Variants in RELN observed in about 807,000 individuals in gnomAD.
The protein encoded by RELN is reelin.
Under a neutral mutation model 427.6 loss-of-function variants are expected in RELN, and 108 were observed. The ratio of observed to expected loss-of-function variants is 0.25; its 90% confidence interval spans 0.22 to 0.30. The LOEUF (loss-of-function observed/expected upper bound fraction) is 0.30, where lower values mean the gene tolerates loss of function less well. RELN is among the 10% of genes least tolerant of loss of function. The probability of loss-of-function intolerance (pLI) is 1.00; values close to 1 mark genes in which losing one functional copy is unlikely to be tolerated. For synonymous variants in RELN, 1,524 were observed against 1,513.4 expected, an observed-to-expected ratio of 1.01 and a Z score of -0.16; for missense variants, 3,715 against 4,302.8, an observed-to-expected ratio of 0.86 and a Z score of 3.82.
intron 3 of RELN, among the ~76,000 whole-genome samples, chr7:103,813,488 A>G (rs1792793727): frequency 6.6e-6 from 1 of 152,098 alleles, no homozygotes; most frequent in African/African-American, 2.4e-5. Context: ...CAGAACTTTA[A>G]TGAGTCAATC....
chr7:103,732,621 G>A (rs77293602), intron 6 of RELN, among the ~76,000 whole-genome samples: 16,932 of 152,044 alleles, frequency 0.11, 1,441 homozygotes, highest in East Asian at 0.27. Flanking sequence ...TGTGAAAGAC[G>A]AGATGAATTT....
intron 40 of RELN, among the ~76,000 whole-genome samples, chr7:103,552,147 T>C (rs1467158948): frequency 6.6e-6 from 1 of 152,194 alleles, no homozygotes; most frequent in Non-Finnish European, 1.5e-5. Flanking sequence ...GTATTCTGTC[T>C]TTATGTAAAG....
intron 12 of RELN, among the ~76,000 whole-genome samples, chr7:103,659,291 C>A (rs564332228): frequency 7.9e-5 from 12 of 152,098 alleles, no homozygotes; most frequent in African/African-American, 2.7e-4. Flanking sequence ...GCTAGAATTA[C>A]TTTTCTAAAA....
At chr7:103,694,417 G>A (rs940127254) in intron 10 of RELN, among the ~76,000 whole-genome samples, 1 of 151,932 alleles carries the variant, frequency 6.6e-6, no homozygotes, top group Non-Finnish European at 1.5e-5. Flanking sequence ...TATGAAAAAT[G>A]GGACTAACAC....
intron 46 of RELN, among the ~76,000 whole-genome samples, chr7:103,532,039 C>G (rs1321893254): frequency 6.6e-6 from 1 of 152,134 alleles, no homozygotes; most frequent in Non-Finnish European, 1.5e-5. Context: ...TGGAATCAAC[C>G]TAATAGCCCA....
chr7:103,587,331 A>C (rs1033526958), intron 28 of RELN, among the ~76,000 whole-genome samples: 2 of 152,260 alleles, frequency 1.3e-5, no homozygotes, highest in African/African-American at 4.8e-5. Flanking sequence ...AGCCACATGC[A>C]GAAGAATGAA....
At chr7:103,520,066 T>A (rs570067583) in intron 48 of RELN, among the ~76,000 whole-genome samples, 9 of 152,254 alleles carry the variant, frequency 5.9e-5, no homozygotes, top group South Asian at 2.1e-4. Flanking sequence ...TCCTTTTTTT[T>A]AATATGAATG....
intron 1 of RELN, among the ~76,000 whole-genome samples, chr7:103,938,220 C>A (rs926961191): frequency 5.9e-5 from 9 of 151,964 alleles, no homozygotes; most frequent in African/African-American, 2.2e-4. Flanking sequence ...ACTCAAGAGG[C>A]TGAGGAGGAG....
intron 10 of RELN, among the ~76,000 whole-genome samples, chr7:103,687,019 G>T (rs992054745): frequency 6.6e-6 from 1 of 152,182 alleles, no homozygotes; most frequent in Non-Finnish European, 1.5e-5. Flanking sequence ...GAATTTTATG[G>T]AGCTTAAGGA....
At chr7:103,667,340 T>C (rs959357260) in intron 11 of RELN, among the ~76,000 whole-genome samples, 1 of 152,214 alleles carries the variant, frequency 6.6e-6, no homozygotes, top group Non-Finnish European at 1.5e-5. Context: ...AGCTTCTCTT[T>C]TAGAGTAGGT....
In RELN at chr7:103,920,566, G is replaced by GTTTTTTTTTT. The variant is rs1563092030; in HGVS notation, c.227-3382_227-3381insAAAAAAAAAA. ...ACACATGTTTGTTGTACCAGTCTTT[G>GTTTTTTTTTT]GTTTTTTTTTTTGTTTTTTTTTTTT... is the stretch of plus-strand genomic sequence containing the variant. On this transcript the variant is annotated intron_variant, in intron 1 of 64. Transcript: ENST00000428762. Among the ~76,000 whole-genome samples, 8 of 114,688 alleles carry GTTTTTTTTTT rather than the reference G, an allele frequency of 7.0e-5. 1 individual carries two copies. Among genetic ancestry groups the GTTTTTTTTTT allele is most frequent in the African/African-American group, 3.7e-4 (8 of 21,530 alleles). The allele number at this position is 114,688 out of a possible 152,430, so 75.2% of individuals were successfully genotyped here. A position where few individuals can be genotyped will look rare whatever the true frequency, so the allele number is the denominator to read the frequency against.
At position 103,989,390 on chromosome 7, in the gene RELN, A is replaced by G; in HGVS notation, c.-34T>C. On this transcript the variant is annotated 5_prime_UTR_variant, in exon 1 of 65. Transcript: ENST00000428762. The surrounding 1 kb of genome is among the most constrained non-coding windows in gnomAD (Gnocchi z 4.9). ...CGCCGCCGCCGCCGCCGCGCGCCCTACGCGCCGCTCGCTCATTCAGTTTTG... is the reference window on the plus strand; with the variant it reads ...CGCCGCCGCCGCCGCCGCGCGCCCTGCGCGCCGCTCGCTCATTCAGTTTTG... 2 of 980,674 alleles carry G rather than the reference A, an allele frequency of 2.0e-6. No homozygotes were observed. Among genetic ancestry groups the G allele is most frequent in the Non-Finnish European group, 2.6e-6 (2 of 756,368 alleles). The allele number at this position is 980,674 out of a possible 1,614,324, so 60.7% of individuals were successfully genotyped here.
At chr7:103,734,728 A>G (rs1247194003) in intron 6 of RELN, among the ~76,000 whole-genome samples, 1 of 152,146 alleles carries the variant, frequency 6.6e-6, no homozygotes, top group Non-Finnish European at 1.5e-5. Flanking sequence ...CTTATCCAAT[A>G]TTGTTTGCGT....
chr7:103,714,146 C>A (rs889055547), intron 8 of RELN, among the ~76,000 whole-genome samples: 1 of 152,122 alleles, frequency 6.6e-6, no homozygotes, highest in Non-Finnish European at 1.5e-5. Context: ...TCTCCTAGTA[C>A]AAAAACCTAT....
At chr7:103,530,087 C>T (rs1829907050) in intron 46 of RELN, among the ~76,000 whole-genome samples, 1 of 152,126 alleles carries the variant, frequency 6.6e-6, no homozygotes, top group African/African-American at 2.4e-5. Context: ...TACAGCATTG[C>T]CTATTACTCT....
At chr7:103,589,978 C>T (rs1179247803) in intron 27 of RELN, 150 bp from the exon 28 acceptor site, 2 of 664,380 alleles carry the variant, frequency 3.0e-6, no homozygotes, top group Non-Finnish European at 5.4e-6. Context: ...AACCAAGACC[C>T]TTCAATAGAT....
intron 41 of RELN, among the ~76,000 whole-genome samples, chr7:103,546,685 C>T (rs73714442): frequency 0.011 from 1,636 of 152,202 alleles, 28 homozygotes; most frequent in African/African-American, 0.038. Context: ...GGCCAATGTC[C>T]ATGTCTCTTT....
At chr7:103,845,041 A>T (rs969181818) in intron 2 of RELN, among the ~76,000 whole-genome samples, 7 of 152,216 alleles carry the variant, frequency 4.6e-5, no homozygotes, top group Admixed American at 4.6e-4. Flanking sequence ...GTACATCCAG[A>T]CTGGCTAAAC....
At chr7:103,492,836 G>C (rs1341354587) in intron 57 of RELN, among the ~76,000 whole-genome samples, 1 of 152,170 alleles carries the variant, frequency 6.6e-6, no homozygotes, top group Non-Finnish European at 1.5e-5. Context: ...AAGAGTGTGA[G>C]AGGTAGAGAT....
Sources: allele counts gnomAD v4.1 joint callset (sites outside exome capture counted in the v4.1 genomes callset), GRCh38; gene constraint gnomAD v4.1.1; non-coding constraint Gnocchi (gnomAD v3.1); transcripts MANE v1.5; gene names NCBI Gene and HGNC (gene_info 2026-07-23, HGNC 2026-07-21).